CEP192: variants seen among roughly 807,000 people sequenced by gnomAD.
CEP192 encodes the protein centrosomal protein of 192 kDa.
In CEP192, 151 loss-of-function variants were observed where a neutral mutation model predicts 271.8. That is an observed-to-expected ratio of 0.56 (90% CI 0.49 to 0.64). The LOEUF is 0.64. CEP192 is among the 30% of genes least tolerant of loss of function. CEP192 has a pLI of 0.00. For missense variants in CEP192, 2,910 were observed against 3,020.5 expected, an observed-to-expected ratio of 0.96 and a Z score of 0.86; for synonymous variants, 995 against 1,076.5, an observed-to-expected ratio of 0.92 and a Z score of 1.48.
intron 21 of CEP192, among the ~76,000 whole-genome samples, chr18:13,060,189 C>T (rs1392209448): frequency 6.6e-6 from 1 of 152,170 alleles, no homozygotes. Flanking sequence ...ACGCCTAGAC[C>T]TTATGGGATA....
intron 40 of CEP192, among the ~76,000 whole-genome samples, chr18:13,111,599 C>T (rs962122841): frequency 6.6e-6 from 1 of 152,076 alleles, no homozygotes; most frequent in African/African-American, 2.4e-5. Context: ...GATTTGACAC[C>T]AGTAAAGCAC....
chr18:12,991,549 T>C (rs1015648055), intron 1 of CEP192, 112 bp downstream of exon 1: 1 of 152,232 alleles, frequency 6.6e-6, no homozygotes, highest in African/African-American at 2.4e-5. Context: ...TTGGGCCGGG[T>C]GGGGGCGCAG....
At chr18:13,088,950 C>T (rs1052388442) in intron 32 of CEP192, 5 of 426,200 alleles carry the variant, frequency 1.2e-5, no homozygotes, top group Non-Finnish European at 1.9e-5. Flanking sequence ...TAGAAATCAG[C>T]GTATTGTTTT....
In CEP192 at chr18:13,087,180, C is replaced by T. The variant is rs1180896016; in HGVS notation, c.5780C>T (p.Ala1927Val). Reference protein sequence around the residue: ...NTGSRAAFVKAVGFKDSQKKV... With the variant: ...NTGSRAAFVKVVGFKDSQKKV... Reference sequence around the variant, plus strand: ...GGCTCCCGAGCAGCTTTTGTTAAAGCAGTAGGTTTTAAGGATTCTCAGAAA... The same window carrying T: ...GGCTCCCGAGCAGCTTTTGTTAAAGTAGTAGGTTTTAAGGATTCTCAGAAA... Residue 1927 changes from alanine to valine, a missense_variant, in exon 31 of 45, where the codon GCA becomes GTA. Physicochemically the swap from Ala to Val is moderately conservative, Grantham distance 64. Transcript: ENST00000506447. 1.2e-6 allele frequency: 2 copies of T among 1,613,980 alleles called. No homozygotes were observed. Among genetic ancestry groups the T allele is most frequent in the East Asian group, 2.2e-5 (1 of 44,864 alleles).
chr18:13,103,021 C>T (rs562048636), intron 38 of CEP192, among the ~76,000 whole-genome samples: 1 of 152,192 alleles, frequency 6.6e-6, no homozygotes, highest in African/African-American at 2.4e-5. Flanking sequence ...TCTGATTTAT[C>T]TTCTTCCTCC....
intron 9 of CEP192, among the ~76,000 whole-genome samples, chr18:13,022,372 T>C (rs1441184007): frequency 2.0e-5 from 3 of 152,124 alleles, no homozygotes; most frequent in African/African-American, 7.2e-5. Flanking sequence ...ACTTTATTTT[T>C]TTTTTTAATT....
intron 7 of CEP192, among the ~76,000 whole-genome samples, chr18:13,017,818 C>T (rs796712492): frequency 2.9e-4 from 44 of 152,250 alleles, no homozygotes; most frequent in African/African-American, 1.1e-3. Context: ...CCAGAATATC[C>T]TTTATTCTTA....
At chr18:13,024,101 A>G (rs2035149441) in intron 9 of CEP192, among the ~76,000 whole-genome samples, 1 of 152,164 alleles carries the variant, frequency 6.6e-6, no homozygotes, top group Non-Finnish European at 1.5e-5. Flanking sequence ...GTCACCAGTT[A>G]TGATAGTTGG....
chr18:13,028,300 C>T (rs549169198), intron 9 of CEP192, among the ~76,000 whole-genome samples: 1 of 152,134 alleles, frequency 6.6e-6, no homozygotes, highest in Non-Finnish European at 1.5e-5. Context: ...TAATTACATC[C>T]GTAAAGACCT....
At chr18:13,120,281 C>T (rs1165015824) in intron 44 of CEP192, among the ~76,000 whole-genome samples, 1 of 152,150 alleles carries the variant, frequency 6.6e-6, no homozygotes, top group Non-Finnish European at 1.5e-5. Flanking sequence ...TAATGAGAAA[C>T]TCAAATTTTA....
chr18:13,069,048 G>A (rs1247736981), intron 25 of CEP192, 41 bp from the exon 26 acceptor site: 1 of 1,613,824 alleles, frequency 6.2e-7, no homozygotes, highest in Non-Finnish European at 8.5e-7. Flanking sequence ...ATTTCACTTT[G>A]TGACAGTTCG....
chr18:13,057,402 G>GA (rs2037171679), intron 19 of CEP192, among the ~76,000 whole-genome samples, 183 bp from the exon 20 acceptor site: 2 of 152,096 alleles, frequency 1.3e-5, no homozygotes, highest in Admixed American at 6.6e-5. Context: ...ATGGAAGCAG[G>GA]AAAAAATTGT....
chr18:13,118,161 A>G (rs1475449350), intron 44 of CEP192, among the ~76,000 whole-genome samples: 1 of 152,190 alleles, frequency 6.6e-6, no homozygotes, highest in Non-Finnish European at 1.5e-5. Context: ...TATATGATGC[A>G]CATTTAGGTT....
chr18:13,037,395 A>C lies in CEP192; in HGVS notation c.1599+94A>C, dbSNP rs1040825967. The C allele has an allele frequency of 1.1e-5, 6 of 555,548 alleles. No homozygotes were observed. The South Asian group carries it at 1.4e-4, about 13-fold the overall frequency. The allele number at this position is 555,548 out of a possible 1,614,324, so 34.4% of individuals were successfully genotyped here. A position where few individuals can be genotyped will look rare whatever the true frequency, so the allele number is the denominator to read the frequency against. On this transcript the variant is annotated intron_variant, in intron 12 of 44. Coordinates refer to ENST00000506447, the MANE Select transcript of CEP192 (RefSeq NM_032142.4). ...TTCATTTCTTTCTGAATATATGGTT[A>C]GTATAGAATTATTTCATATTTTTCT...
chr18:13,069,786 C>T lies in CEP192; in HGVS notation c.5104C>T (p.Leu1702Phe). 1 of 1,603,036 alleles carries T rather than the reference C, an allele frequency of 6.2e-7. No homozygotes were observed. Among genetic ancestry groups the T allele is most frequent in the Non-Finnish European group, 8.5e-7 (1 of 1,170,374 alleles). Residue 1702 changes from leucine to phenylalanine, a missense_variant, in exon 27 of 45, where the codon CTT becomes TTT. Coordinates refer to ENST00000506447, the MANE Select transcript of CEP192 (RefSeq NM_032142.4). ...TTCAGTGGATCCAAAGAATCTACTC[C>T]TTAAACCTGGAGAAGAACATGAGGT... ...HFSVDPKNLL[L>F]KPGEEHEVIV...
chr18:13,092,336 T>C (rs1287382728), intron 33 of CEP192, 41 bp from the exon 34 acceptor site: 9 of 1,366,574 alleles, frequency 6.6e-6, no homozygotes, highest in Admixed American at 1.9e-5. Context: ...GGTATGCTTG[T>C]GTGAACATTC....
chr18:13,072,902 A>G (rs754599904), intron 29 of CEP192, 57 bp downstream of exon 29: 60 of 1,523,292 alleles, frequency 3.9e-5, no homozygotes, highest in Admixed American at 2.7e-4. Context: ...GAACACTTGC[A>G]TATGCAGACC....
chr18:13,103,440 C>A, intron 38 of CEP192, 69 bp from the exon 39 acceptor site: 2 of 1,221,354 alleles, frequency 1.6e-6, no homozygotes, highest in Non-Finnish European at 2.4e-6. Flanking sequence ...GGTAGTTAGG[C>A]CTGTCACAGT....
intron 15 of CEP192, among the ~76,000 whole-genome samples, chr18:13,046,402 T>A (rs779297617): frequency 1.3e-5 from 2 of 152,204 alleles, no homozygotes; most frequent in Non-Finnish European, 2.9e-5. Context: ...TACTTACACT[T>A]AATGGAATTT....
Sources: allele counts gnomAD v4.1 joint callset (sites outside exome capture counted in the v4.1 genomes callset), GRCh38; gene constraint gnomAD v4.1.1; transcripts MANE v1.5; gene names NCBI Gene and HGNC (gene_info 2026-07-23, HGNC 2026-07-21).